The following SCAPER variants were observed in gnomAD, a reference collection of about 807,000 sequenced individuals.
The protein encoded by SCAPER is S-phase cyclin A associated protein in the ER, also known as S phase cyclin A-associated protein in the endoplasmic reticulum.
A neutral mutation model predicts 182.2 loss-of-function variants in SCAPER; 98 were observed. The observed-to-expected ratio is 0.54, with a 90% CI of 0.46 to 0.64. The LOEUF (loss-of-function observed/expected upper bound fraction) is 0.64. SCAPER is among the 30% of genes least tolerant of loss of function. The pLI is 0.00. For synonymous variants in SCAPER, 605 were observed against 564.6 expected, an observed-to-expected ratio of 1.07 and a Z score of -1.01; for missense variants, 1,432 against 1,690.0, an observed-to-expected ratio of 0.85 and a Z score of 2.68.
At chr15:76,375,709 G>A (rs1306890257) in intron 29 of SCAPER, among the ~76,000 whole-genome samples, 1 of 152,230 alleles carries the variant, frequency 6.6e-6, no homozygotes, top group African/African-American at 2.4e-5. Context: ...AGGGCCAGGT[G>A]TGATGGCTTA....
chr15:76,852,322 C>T (rs1939430134), intron 4 of SCAPER, among the ~76,000 whole-genome samples: 1 of 152,180 alleles, frequency 6.6e-6, no homozygotes, highest in Admixed American at 6.5e-5. Flanking sequence ...CTGAACTCAA[C>T]ATTGTACCAA....
At chr15:76,617,944 T>G (rs2051645910) in intron 22 of SCAPER, among the ~76,000 whole-genome samples, 1 of 152,152 alleles carries the variant, frequency 6.6e-6, no homozygotes, top group Non-Finnish European at 1.5e-5. Context: ...AGTATTTAGA[T>G]GTATTTCTAG....
chr15:76,648,006 CCAGA>C lies in SCAPER; in HGVS notation c.2645+17643_2645+17646del, dbSNP rs534729845. 3.7e-3 allele frequency among the ~76,000 whole-genome samples: 553 copies of C among 151,488 alleles called. 6 individuals are homozygous for C. Among genetic ancestry groups the C allele is most frequent in the African/African-American group, 0.013 (539 of 41,298 alleles). On this transcript the variant is annotated intron_variant, in intron 21 of 31. Transcript: ENST00000563290. ...ATTCTCTTAAAGAAAACAATAAAAC[CCAGA>C]CATAGAGCAATGTAGCATTTATACT...
At chr15:76,786,680 T>C (rs1018677575) in intron 8 of SCAPER, among the ~76,000 whole-genome samples, 3 of 151,740 alleles carry the variant, frequency 2.0e-5, no homozygotes, top group Admixed American at 2.0e-4. Context: ...AACAAAATCA[T>C]AGGAAAAAAG....
intron 1 of SCAPER, among the ~76,000 whole-genome samples, chr15:76,893,440 GA>G (rs1425649566): frequency 6.6e-6 from 1 of 151,398 alleles, no homozygotes; most frequent in Non-Finnish European, 1.5e-5. Flanking sequence ...CCACTGAAAG[GA>G]AAAAGAGACA....
intron 8 of SCAPER, among the ~76,000 whole-genome samples, chr15:76,790,529 TTGTG>T (rs2064933950): frequency 6.6e-6 from 1 of 152,192 alleles, no homozygotes; most frequent in South Asian, 2.1e-4. Flanking sequence ...AAATTTTAAC[TTGTG>T]TTTTTCAAGG....
In SCAPER at chr15:76,702,997, A is replaced by G; in HGVS notation, c.2253T>C (p.Asp751=). ...ELQKKIQLKH[D]ESIRRHMEQI... is the part of the protein sequence containing the mutation. ...GTTCCATGTGCCTTCGAATACTTTC[A>G]TCATGCTGTAGATGAAGTCAAAGTG... The change falls in exon 19 of 32, where the codon GAT becomes GAC. Residue 751 remains aspartate (D), a synonymous_variant. Coordinates refer to ENST00000563290, the MANE Select transcript of SCAPER (RefSeq NM_020843.4). The G allele has an allele frequency of 1.3e-6, 2 of 1,567,218 alleles. No individual in the cohort carries two copies. The highest frequency in any genetic ancestry group is 1.7e-6 in the Non-Finnish European group (2 of 1,163,160).
At chr15:76,720,398 T>A (rs2060155265) in intron 17 of SCAPER, among the ~76,000 whole-genome samples, 1 of 152,194 alleles carries the variant, frequency 6.6e-6, no homozygotes, top group South Asian at 2.1e-4. Context: ...TACATGTGAA[T>A]GTGTCTTTAT....
chr15:76,390,849 G>A (rs1346081545), intron 27 of SCAPER, among the ~76,000 whole-genome samples: 2 of 152,112 alleles, frequency 1.3e-5, no homozygotes, highest in African/African-American at 4.8e-5. Flanking sequence ...GGGTAACTGG[G>A]AGGAAAAAAC....
chr15:76,756,500 C>T (rs886158678), intron 14 of SCAPER, among the ~76,000 whole-genome samples: 2 of 152,052 alleles, frequency 1.3e-5, no homozygotes, highest in African/African-American at 4.8e-5. Context: ...ATGGCTTGAG[C>T]CCAGAAGTTC....
chr15:76,371,318 TC>T (rs1213934467), intron 29 of SCAPER, among the ~76,000 whole-genome samples: 7 of 145,090 alleles, frequency 4.8e-5, no homozygotes, highest in South Asian at 4.3e-4. Context: ...TCTCTCTCTC[TC>T]TTTTTTTTTT....
chr15:76,536,928 C>T (rs986501651), intron 23 of SCAPER, among the ~76,000 whole-genome samples: 3 of 151,400 alleles, frequency 2.0e-5, no homozygotes, highest in Non-Finnish European at 4.4e-5. Context: ...CAATAACAGA[C>T]AAACAGAGAG....
chr15:76,587,939 T>A (rs1416569081), intron 22 of SCAPER, among the ~76,000 whole-genome samples: 2 of 150,092 alleles, frequency 1.3e-5, no homozygotes, highest in Non-Finnish European at 3.0e-5. Flanking sequence ...TTTTTTTTTT[T>A]AAGACAGAGT....
At chr15:76,364,305 C>G (rs537104390) in intron 29 of SCAPER, among the ~76,000 whole-genome samples, 1 of 151,764 alleles carries the variant, frequency 6.6e-6, no homozygotes, top group Non-Finnish European at 1.5e-5. Context: ...CCCGGTGGTC[C>G]CAGGGATCCA....
At chr15:76,433,532 A>G (rs184828784) in intron 26 of SCAPER, among the ~76,000 whole-genome samples, 8 of 152,252 alleles carry the variant, frequency 5.3e-5, no homozygotes, top group African/African-American at 1.9e-4. Flanking sequence ...AAAACAACCA[A>G]GAATGATACC....
Position 76,894,106 on chromosome 15 carries a change from G to T in SCAPER, c.-59-10230C>A, listed in dbSNP as rs575681614. Among the ~76,000 whole-genome samples the T allele has an allele frequency of 5.9e-5, 9 of 152,262 alleles. No individual in the cohort carries two copies. The South Asian group carries it at 1.9e-3, about 32-fold the overall frequency. On this transcript the variant is annotated intron_variant, in intron 1 of 31. Coordinates refer to ENST00000563290, the MANE Select transcript of SCAPER (RefSeq NM_020843.4). ...TCTCTACTAAAAATACAAAAAATTA[G>T]CTGGGTGCAGTGGCGCATGCCTGCA...
chr15:76,657,094 C>T (rs907767314), intron 21 of SCAPER, among the ~76,000 whole-genome samples: 28 of 152,038 alleles, frequency 1.8e-4, no homozygotes, highest in African/African-American at 6.5e-4. Context: ...TGCAAATGAC[C>T]AACAAATCCA....
At chr15:76,870,567 A>G (rs1361799931) in intron 2 of SCAPER, among the ~76,000 whole-genome samples, 1 of 152,080 alleles carries the variant, frequency 6.6e-6, no homozygotes, top group Non-Finnish European at 1.5e-5. Context: ...AAAACTAGAT[A>G]CCTTAAAAGA....
intron 29 of SCAPER, among the ~76,000 whole-genome samples, chr15:76,365,292 G>A (rs1251161733): frequency 6.6e-6 from 1 of 152,214 alleles, no homozygotes; most frequent in East Asian, 1.9e-4. Flanking sequence ...AATGAGTGAT[G>A]AATGTTCATA....
Sources: gnomAD v4.1 joint callset for allele counts (sites outside exome capture counted in the v4.1 genomes callset) on GRCh38, gnomAD v4.1.1 for gene constraint, MANE v1.5 for transcripts, NCBI Gene and HGNC (gene_info 2026-07-23, HGNC 2026-07-21) for gene names.